Variants in ADCYAP1R1 observed in about 807,000 individuals in gnomAD.
The protein encoded by ADCYAP1R1 is pituitary adenylate cyclase-activating polypeptide type I receptor.
Under a neutral mutation model 67.6 loss-of-function variants are expected in ADCYAP1R1, and 44 were observed. The ratio of observed to expected loss-of-function variants is 0.65; its 90% CI spans 0.51 to 0.84. The LOEUF is 0.84. ADCYAP1R1 is among the 40% of genes least tolerant of loss of function. The pLI, the probability that ADCYAP1R1 is intolerant of heterozygous loss-of-function variation, is 0.00. For missense variants in ADCYAP1R1, 477 were observed against 587.9 expected, an observed-to-expected ratio of 0.81 and a Z score of 1.95; for synonymous variants, 222 against 219.6, an observed-to-expected ratio of 1.01 and a Z score of -0.10.
chr7:31,093,156 A>T (rs1486524994), intron 13 of ADCYAP1R1, among the ~76,000 whole-genome samples: 1 of 152,198 alleles, frequency 6.6e-6, no homozygotes, highest in African/African-American at 2.4e-5. Context: ...AGACTGTGGA[A>T]GTTGCCCAGT....
chr7:31,053,040 G>A (rs1161533927), intron 1 of ADCYAP1R1, among the ~76,000 whole-genome samples: 3 of 151,714 alleles, frequency 2.0e-5, no homozygotes, highest in Admixed American at 1.3e-4. Flanking sequence ...CAAGCCATGC[G>A]GCCGGAGGGA....
chr7:31,059,357 C>G (rs1262416316), intron 1 of ADCYAP1R1, among the ~76,000 whole-genome samples: 1 of 152,170 alleles, frequency 6.6e-6, no homozygotes, highest in African/African-American at 2.4e-5. Flanking sequence ...GGGCAGAAAC[C>G]TCTGGCAAAA....
Position 31,085,281 on chromosome 7 carries a change from C to T in ADCYAP1R1, c.537-29C>T, listed in dbSNP as rs754410855. The T allele has an allele frequency of 2.2e-5, 35 of 1,605,352 alleles. No individual in the cohort carries two copies. In the South Asian group the frequency reaches 3.9e-4, roughly 18 times the overall value. ...GTGTGAAATGCTGTGGGGTCCAAGGCTTCTTTCTCCCCTGGCCCACTCATG... is the reference window on the plus strand; with the variant it reads ...GTGTGAAATGCTGTGGGGTCCAAGGTTTCTTTCTCCCCTGGCCCACTCATG... On this transcript the variant is annotated intron_variant, in intron 8 of 15. Coordinates refer to ENST00000304166, the MANE Select transcript of ADCYAP1R1 (RefSeq NM_001118.5).
intron 13 of ADCYAP1R1, among the ~76,000 whole-genome samples, chr7:31,095,354 A>T (rs1796145494): frequency 6.6e-6 from 1 of 152,202 alleles, no homozygotes; most frequent in African/African-American, 2.4e-5. Flanking sequence ...GAATGCACAG[A>T]TGAAAAGATA....
chr7:31,077,236 T>C (rs1795271765), intron 3 of ADCYAP1R1, among the ~76,000 whole-genome samples: 1 of 152,124 alleles, frequency 6.6e-6, no homozygotes, highest in Non-Finnish European at 1.5e-5. Context: ...TATATATAAG[T>C]GTGGGTGTGT....
Position 31,109,180 on chromosome 7 carries a change from C to T in ADCYAP1R1, c.*2496C>T, listed in dbSNP as rs1178986049. On this transcript the variant is annotated 3_prime_UTR_variant, in exon 16 of 16. Coordinates refer to ENST00000304166, the MANE Select transcript of ADCYAP1R1 (RefSeq NM_001118.5). ...GCATCCTCATAGAGGTGCCGGGTTCCTATTGGTTAGTTGGTTGTTTTTCCG... is the reference window on the plus strand; with the variant it reads ...GCATCCTCATAGAGGTGCCGGGTTCTTATTGGTTAGTTGGTTGTTTTTCCG... 2 of 152,246 alleles carry T rather than the reference C, an allele frequency of 1.3e-5. No homozygotes were observed. The highest frequency in any genetic ancestry group is 2.9e-5 in the Non-Finnish European group (2 of 68,102). The allele number at this position is 152,246 out of a possible 1,614,324, so 9.4% of individuals were successfully genotyped here. A position where few individuals can be genotyped will look rare whatever the true frequency, so the allele number is the denominator to read the frequency against.
chr7:31,054,208 T>C (rs1794148341), intron 1 of ADCYAP1R1, among the ~76,000 whole-genome samples: 1 of 152,110 alleles, frequency 6.6e-6, no homozygotes, highest in South Asian at 2.1e-4. Context: ...GGGGTGACGA[T>C]GGAGGCGGGC....
chr7:31,087,585 G>T, intron 11 of ADCYAP1R1, 42 bp from the exon 12 acceptor site: 1 of 1,593,256 alleles, frequency 6.3e-7, no homozygotes, highest in South Asian at 1.1e-5. Flanking sequence ...CTATGCTGCC[G>T]ACTCACAGAC....
rs1304609254 is a variant in ADCYAP1R1 at position 31,106,937 on chromosome 7, G to A, written c.*253G>A. ...AATACTCCTCAAATTTGGAAAAGTT[G>A]TCCCATCCCTTCCCCCTTTGCCCCA... On this transcript the variant is annotated 3_prime_UTR_variant, in exon 16 of 16. Transcript: ENST00000304166. 6.3e-5 allele frequency: 30 copies of A among 477,336 alleles called. No individual in the cohort carries two copies. In the South Asian group the frequency reaches 1.0e-3, roughly 17 times the overall value. 29.6% of individuals were successfully genotyped at this position (477,336 alleles called of 1,614,324 possible).
At chr7:31,075,136 C>T (rs1795154418) in intron 3 of ADCYAP1R1, among the ~76,000 whole-genome samples, 1 of 152,164 alleles carries the variant, frequency 6.6e-6, no homozygotes, top group Admixed American at 6.5e-5. Flanking sequence ...CAGCCCTGCC[C>T]CAGGCCATCT....
chr7:31,106,461 C>T, intron 15 of ADCYAP1R1, 35 bp from the exon 16 acceptor site: 3 of 1,569,058 alleles, frequency 1.9e-6, no homozygotes, highest in Non-Finnish European at 2.6e-6. Context: ...AGAGGATGTC[C>T]ATCTGGAAGT....
chr7:31,064,387 T>C (rs946927219), intron 2 of ADCYAP1R1, among the ~76,000 whole-genome samples: 8 of 152,216 alleles, frequency 5.3e-5, no homozygotes, highest in African/African-American at 1.9e-4. Flanking sequence ...CTTTTCAGCC[T>C]ACTGAGCCAT....
Position 31,111,021 on chromosome 7 carries a change from T to G in ADCYAP1R1, c.*4337T>G, listed in dbSNP as rs1203153257. On this transcript the variant is annotated 3_prime_UTR_variant, in exon 16 of 16. Coordinates refer to ENST00000304166, the MANE Select transcript of ADCYAP1R1 (RefSeq NM_001118.5). ...TAAGGGGGAGGCCAGAGGGCTCAGA[T>G]GGACACAGAATTCTAGCTTTACCTG... 6.6e-6 allele frequency: 1 copy of G among 152,176 alleles called. No individual in the cohort carries two copies. The highest frequency in any genetic ancestry group is 2.4e-5 in the African/African-American group (1 of 41,418). 9.4% of individuals were successfully genotyped at this position (152,176 alleles called of 1,614,324 possible).
intron 3 of ADCYAP1R1, among the ~76,000 whole-genome samples, chr7:31,074,476 G>A (rs1795121233): frequency 6.6e-6 from 1 of 152,152 alleles, no homozygotes; most frequent in Non-Finnish European, 1.5e-5. Context: ...CCCGACCTCT[G>A]CAGCCCTCCT....
At chr7:31,092,875 A>G in intron 13 of ADCYAP1R1, 140 bp downstream of exon 13, 1 of 631,388 alleles carries the variant, frequency 1.6e-6, no homozygotes, top group Non-Finnish European at 2.7e-6. Flanking sequence ...CTGATTAAAG[A>G]GCCTTTAATA....
At chr7:31,074,853 T>C (rs1248629289) in intron 3 of ADCYAP1R1, among the ~76,000 whole-genome samples, 2 of 152,258 alleles carry the variant, frequency 1.3e-5, no homozygotes, top group Non-Finnish European at 2.9e-5. Context: ...TCTTGGGTTA[T>C]TCTTCTCAGA....
At chr7:31,101,790 G>T (rs779166164) in intron 13 of ADCYAP1R1, among the ~76,000 whole-genome samples, 1 of 152,208 alleles carries the variant, frequency 6.6e-6, no homozygotes, top group Non-Finnish European at 1.5e-5. Context: ...CCTTCAGGGA[G>T]TCACAGTCAG....
chr7:31,105,178 G>A (rs954643547), intron 15 of ADCYAP1R1, among the ~76,000 whole-genome samples: 12 of 152,252 alleles, frequency 7.9e-5, no homozygotes, highest in South Asian at 6.2e-4. Context: ...TGGTAAAAGC[G>A]TCGGCTCTGC....
intron 12 of ADCYAP1R1, among the ~76,000 whole-genome samples, chr7:31,090,403 CT>C (rs1795917849): frequency 2.0e-5 from 3 of 152,152 alleles, no homozygotes; most frequent in African/African-American, 2.4e-5. Flanking sequence ...GATGTTTTTC[CT>C]TTTTTTAAAA....
Sources: allele counts gnomAD v4.1 joint callset (sites outside exome capture counted in the v4.1 genomes callset), GRCh38; gene constraint gnomAD v4.1.1; transcripts MANE v1.5; gene names NCBI Gene and HGNC (gene_info 2026-07-23, HGNC 2026-07-21).